Variants in TMEFF2 observed in about 807,000 individuals in gnomAD.
The protein encoded by TMEFF2 is tomoregulin-2.
In TMEFF2, 28 loss-of-function variants were observed where a neutral mutation model predicts 53.8. The observed-to-expected ratio is 0.52, with a 90% CI of 0.39 to 0.71. TMEFF2 has a LOEUF of 0.71. TMEFF2 is among the 30% of genes least tolerant of loss of function. The pLI is 0.00. For missense variants in TMEFF2, 353 were observed against 455.2 expected (o/e 0.78, Z 2.04); for synonymous variants, 162 against 166.3 (o/e 0.97, Z 0.20).
At chr2:192,088,913 T>A (rs1248090335) in intron 4 of TMEFF2, among the ~76,000 whole-genome samples, 1 of 152,146 alleles carries the variant, frequency 6.6e-6, no homozygotes, top group Non-Finnish European at 1.5e-5. Context: ...AAGCTATTAA[T>A]CATGTTCACC....
chr2:191,986,293 T>TAAG (rs1685973109), intron 7 of TMEFF2, among the ~76,000 whole-genome samples: 1 of 152,290 alleles, frequency 6.6e-6, no homozygotes, highest in East Asian at 1.9e-4. Context: ...TCAAAATTTG[T>TAAG]AAGAAGTAGC....
intron 7 of TMEFF2, among the ~76,000 whole-genome samples, chr2:191,967,622 C>G (rs1405227434): frequency 6.6e-6 from 1 of 152,118 alleles, no homozygotes. Context: ...CCTGGTGTTC[C>G]TGACCTCACG....
Position 191,949,957 on chromosome 2 carries a change from A to C in TMEFF2, c.*354T>G, listed in dbSNP as rs1232391529. 1.3e-5 allele frequency: 13 copies of C among 1,034,574 alleles called. No homozygotes were observed. Among genetic ancestry groups the C allele is most frequent in the Non-Finnish European group, 1.5e-5 (13 of 860,452 alleles). The allele number at this position is 1,034,574 out of a possible 1,614,324, so 64.1% of individuals were successfully genotyped here. On this transcript the variant is annotated 3_prime_UTR_variant, in exon 10 of 10. Transcript: ENST00000272771. The stretch of plus-strand genomic sequence containing the variant: ...AAACATGAAATATTGGTAGCTGTAC[A>C]GATTGTACTAGTCTGATTATATTTA...
intron 4 of TMEFF2, among the ~76,000 whole-genome samples, chr2:192,121,546 TATC>T (rs1181146675): frequency 6.6e-6 from 1 of 152,176 alleles, no homozygotes; most frequent in Admixed American, 6.5e-5. Context: ...AATGAAAATA[TATC>T]ATCTGGGTGA....
At chr2:192,142,549 C>A (rs577246256) in intron 4 of TMEFF2, among the ~76,000 whole-genome samples, 4 of 151,828 alleles carry the variant, frequency 2.6e-5, no homozygotes, top group African/African-American at 7.2e-5. Context: ...CCCATAATGA[C>A]TGGAATTATG....
chr2:192,062,353 T>C (rs975305730), intron 4 of TMEFF2, among the ~76,000 whole-genome samples: 2 of 152,230 alleles, frequency 1.3e-5, no homozygotes, highest in Non-Finnish European at 1.5e-5. Flanking sequence ...TATTGCTTAG[T>C]ATTCCATTGA....
At chr2:192,127,074 T>G (rs1013086187) in intron 4 of TMEFF2, among the ~76,000 whole-genome samples, 1 of 152,188 alleles carries the variant, frequency 6.6e-6, no homozygotes, top group African/African-American at 2.4e-5. Flanking sequence ...AATGAGATTA[T>G]TAGTGCCAAG....
chr2:192,192,607 G>A (rs1046447505), intron 1 of TMEFF2, among the ~76,000 whole-genome samples: 4 of 152,152 alleles, frequency 2.6e-5, no homozygotes, highest in African/African-American at 9.7e-5. Context: ...CAACCTATCT[G>A]CAAAACCAGT....
At chr2:192,144,860 C>CTGA (rs1690213156) in intron 4 of TMEFF2, among the ~76,000 whole-genome samples, 1 of 151,848 alleles carries the variant, frequency 6.6e-6, no homozygotes, top group Non-Finnish European at 1.5e-5. Context: ...TTCAACTCTT[C>CTGA]TGATAAAATG....
chr2:191,952,676 T>TTTTTCA (rs1221048870), intron 9 of TMEFF2, among the ~76,000 whole-genome samples: 1 of 152,190 alleles, frequency 6.6e-6, no homozygotes, highest in Non-Finnish European at 1.5e-5. Flanking sequence ...ATATTTTGTC[T>TTTTTCA]TTTTCAAGAG....
chr2:192,164,365 G>C (rs1470283226), intron 4 of TMEFF2, among the ~76,000 whole-genome samples: 4 of 152,142 alleles, frequency 2.6e-5, no homozygotes, highest in Admixed American at 6.5e-5. Context: ...ACTACTTAAG[G>C]CTTCAGTGAA....
rs1691813688 is a variant in TMEFF2, at chr2:191,949,809, C to T, written c.*502G>A. The T allele has an allele frequency of 3.0e-6, 3 of 985,152 alleles. No homozygotes were observed. The highest frequency in any genetic ancestry group is 3.6e-6 in the Non-Finnish European group (3 of 829,810). 61.0% of individuals were successfully genotyped at this position (985,152 alleles called of 1,614,324 possible). On this transcript the variant is annotated 3_prime_UTR_variant, in exon 10 of 10. Transcript: ENST00000272771. ...AAAGATCGGAAATATTTTATCCTCACTCGATATAAAGTAAATTATTTTTTC... is the reference window on the plus strand; with the variant it reads ...AAAGATCGGAAATATTTTATCCTCATTCGATATAAAGTAAATTATTTTTTC...
intron 4 of TMEFF2, among the ~76,000 whole-genome samples, chr2:192,166,298 T>C (rs1690764615): frequency 6.6e-6 from 1 of 152,196 alleles, no homozygotes; most frequent in African/African-American, 2.4e-5. Flanking sequence ...AAGAGAGTTA[T>C]CGGAATGCCT....
chr2:191,990,133 T>G (rs1686068454), intron 7 of TMEFF2, among the ~76,000 whole-genome samples: 1 of 152,180 alleles, frequency 6.6e-6, no homozygotes, highest in Non-Finnish European at 1.5e-5. Flanking sequence ...GTTTGGTTCC[T>G]TTTGATTACA....
chr2:192,126,646 A>G (rs558620011), intron 4 of TMEFF2, among the ~76,000 whole-genome samples: 3 of 152,344 alleles, frequency 2.0e-5, no homozygotes, highest in South Asian at 2.1e-4. Context: ...AACTAGAAAG[A>G]AGGAGAAATG....
chr2:192,119,348 G>A (rs1689492770), intron 4 of TMEFF2, among the ~76,000 whole-genome samples: 1 of 152,152 alleles, frequency 6.6e-6, no homozygotes, highest in Non-Finnish European at 1.5e-5. Context: ...AATTGCAAAT[G>A]TTCTTCTGTA....
chr2:192,099,716 C>T (rs1208027067), intron 4 of TMEFF2, among the ~76,000 whole-genome samples: 1 of 151,540 alleles, frequency 6.6e-6, no homozygotes. Flanking sequence ...ATCAAACTTG[C>T]ACAAATAGCT....
At chr2:191,967,035 A>G (rs1692491540) in intron 7 of TMEFF2, among the ~76,000 whole-genome samples, 1 of 149,934 alleles carries the variant, frequency 6.7e-6, no homozygotes, top group Non-Finnish European at 1.5e-5. Flanking sequence ...TGAACTTCTG[A>G]GAAAAAAAAA....
intron 7 of TMEFF2, among the ~76,000 whole-genome samples, chr2:191,988,108 A>G (rs1380355374): frequency 2.6e-5 from 4 of 152,182 alleles, no homozygotes; most frequent in African/African-American, 9.6e-5. Flanking sequence ...AGCACTGACA[A>G]TCTACTTAGA....
Sources: gnomAD v4.1 joint callset for allele counts (sites outside exome capture counted in the v4.1 genomes callset) on GRCh38, gnomAD v4.1.1 for gene constraint, MANE v1.5 for transcripts, NCBI Gene and HGNC (gene_info 2026-07-23, HGNC 2026-07-21) for gene names.